The following PEBP4 variants were observed in gnomAD, a reference collection of about 807,000 sequenced individuals.
PEBP4 encodes phosphatidylethanolamine binding protein 4.
A neutral mutation model predicts 23.9 loss-of-function variants in PEBP4; 22 were observed. The ratio of observed to expected loss-of-function variants is 0.92; its 90% CI spans 0.66 to 1.31. The LOEUF is 1.31. Among genes scored for constraint, PEBP4 ranks in the 40% most tolerant of loss-of-function variants. PEBP4 has a pLI of 0.00. For synonymous variants in PEBP4, 112 were observed against 99.3 expected, an observed-to-expected ratio of 1.13 and a Z score of -0.76; for missense variants, 324 against 281.7, an observed-to-expected ratio of 1.15 and a Z score of -1.07.
At chr8:22,801,226 G>GGA (rs903502817) in intron 4 of PEBP4, among the ~76,000 whole-genome samples, 21 of 152,154 alleles carry the variant, frequency 1.4e-4, no homozygotes, top group Non-Finnish European at 2.9e-4. Flanking sequence ...GGAGGGCTGG[G>GGA]GAGAGACTTC....
rs141227592 is a variant in PEBP4, at chr8:22,910,484, G to T, written c.258+9700C>A. 1.8e-3 allele frequency among the ~76,000 whole-genome samples: 267 copies of T among 152,338 alleles called. 2 individuals are homozygous for T. The highest frequency in any genetic ancestry group is 0.016 in the Admixed American group (238 of 15,310). On this transcript the variant is annotated intron_variant, in intron 3 of 6. Transcript: ENST00000256404. ...GAAAATGAATGGTGAGAACCCTGAAGGTAATACCAGGGGCAGAGGTAGGCA... is the reference window on the plus strand; with the variant it reads ...GAAAATGAATGGTGAGAACCCTGAATGTAATACCAGGGGCAGAGGTAGGCA...
At chr8:22,845,500 G>A (rs186308505) in intron 3 of PEBP4, among the ~76,000 whole-genome samples, 41 of 152,308 alleles carry the variant, frequency 2.7e-4, no homozygotes, top group African/African-American at 8.9e-4. Flanking sequence ...TCTAGCCTGG[G>A]CAGCAGAGAG....
At chr8:22,868,291 G>T in intron 3 of PEBP4, among the ~76,000 whole-genome samples, 1 of 152,100 alleles carries the variant, frequency 6.6e-6, no homozygotes, top group South Asian at 2.1e-4. Flanking sequence ...ATTTGTCTTT[G>T]TGATTGTCTC....
chr8:22,809,525 G>C (rs1378967610), intron 4 of PEBP4, among the ~76,000 whole-genome samples: 2 of 152,154 alleles, frequency 1.3e-5, no homozygotes, highest in Non-Finnish European at 2.9e-5. Flanking sequence ...ATGGCCTCAT[G>C]AGTAGGCACG....
At chr8:22,761,831 T>C (rs1805514058) in intron 4 of PEBP4, among the ~76,000 whole-genome samples, 1 of 152,206 alleles carries the variant, frequency 6.6e-6, no homozygotes, top group Non-Finnish European at 1.5e-5. Context: ...CTCTTTTTTT[T>C]TACAGTAAAA....
intron 3 of PEBP4, among the ~76,000 whole-genome samples, chr8:22,897,081 T>C (rs1258093607): frequency 6.6e-6 from 1 of 152,006 alleles, no homozygotes; most frequent in Non-Finnish European, 1.5e-5. Flanking sequence ...TACTACGGCT[T>C]AGCGTAGACA....
At chr8:22,926,129 C>A (rs1314026515) in intron 2 of PEBP4, among the ~76,000 whole-genome samples, 1 of 151,242 alleles carries the variant, frequency 6.6e-6, no homozygotes, top group Admixed American at 6.6e-5. Context: ...GTGTGCGCCA[C>A]CATGCCCGGC....
At chr8:22,797,934 A>G (rs1353194669) in intron 4 of PEBP4, among the ~76,000 whole-genome samples, 1 of 152,150 alleles carries the variant, frequency 6.6e-6, no homozygotes, top group Non-Finnish European at 1.5e-5. Context: ...GCACGGGTGC[A>G]GGAGGGAGGC....
chr8:22,760,485 T>A (rs868591803), intron 4 of PEBP4, among the ~76,000 whole-genome samples: 2 of 151,934 alleles, frequency 1.3e-5, no homozygotes, highest in Non-Finnish European at 2.9e-5. Flanking sequence ...TGGATGCTTA[T>A]GGGATGAACA....
intron 4 of PEBP4, among the ~76,000 whole-genome samples, chr8:22,765,116 T>TCTTCCTTCCTTC (rs113133723): frequency 0.16 from 22,558 of 144,814 alleles, 2,004 homozygotes; most frequent in East Asian, 0.31. Flanking sequence ...TTCCTTTATT[T>TCTTCCTTCCTTC]CTTCCTTCCT....
intron 3 of PEBP4, among the ~76,000 whole-genome samples, chr8:22,897,267 A>G (rs1808606483): frequency 6.6e-6 from 1 of 152,204 alleles, no homozygotes; most frequent in Non-Finnish European, 1.5e-5. Flanking sequence ...GACAGATCAC[A>G]TTGTAAGCTG....
chr8:22,907,099 A>G (rs898522337), intron 3 of PEBP4, among the ~76,000 whole-genome samples: 4 of 152,128 alleles, frequency 2.6e-5, no homozygotes, highest in African/African-American at 9.7e-5. Context: ...TATGAGTGGG[A>G]GGAGGGATGC....
chr8:22,930,994 A>G (rs1809447165), upstream of PEBP4, among the ~76,000 whole-genome samples: 1 of 152,072 alleles, frequency 6.6e-6, no homozygotes, highest in African/African-American at 2.4e-5. Context: ...TGGTCCCTCC[A>G]GCTACTGGGA....
At chr8:22,756,572 A>T (rs1331493231) in intron 4 of PEBP4, among the ~76,000 whole-genome samples, 1 of 152,020 alleles carries the variant, frequency 6.6e-6, no homozygotes, top group African/African-American at 2.4e-5. Flanking sequence ...ATGCTTGGGG[A>T]AGCAAGCCTT....
chr8:22,780,153 T>C (rs1043554681), intron 4 of PEBP4, among the ~76,000 whole-genome samples: 8 of 152,050 alleles, frequency 5.3e-5, no homozygotes, highest in African/African-American at 1.7e-4. Context: ...TTTGTAGAGA[T>C]AGTGTTCACC....
intron 6 of PEBP4, among the ~76,000 whole-genome samples, chr8:22,722,740 C>A (rs1163314360): frequency 6.6e-6 from 1 of 151,494 alleles, no homozygotes; most frequent in Non-Finnish European, 1.5e-5. Flanking sequence ...AAGACTGGGA[C>A]CTTGGCTGGG....
chr8:22,779,070 G>A (rs552311535), intron 4 of PEBP4, among the ~76,000 whole-genome samples: 2 of 151,070 alleles, frequency 1.3e-5, no homozygotes, highest in South Asian at 4.2e-4. Flanking sequence ...GAAGGTGGGC[G>A]GGGGAGGTGG....
At chr8:22,819,451 CTGAGCT>C (rs1806812337) in intron 3 of PEBP4, among the ~76,000 whole-genome samples, 2 of 152,194 alleles carry the variant, frequency 1.3e-5, no homozygotes. Flanking sequence ...CTGGAATAGG[CTGAGCT>C]GAGATGGGAG....
chr8:22,909,879 G>T (rs1808899987), intron 3 of PEBP4, among the ~76,000 whole-genome samples: 1 of 152,212 alleles, frequency 6.6e-6, no homozygotes, highest in Non-Finnish European at 1.5e-5. Context: ...GCCACGTGGA[G>T]AATGGCCAGC....
Sources: allele counts gnomAD v4.1 joint callset (sites outside exome capture counted in the v4.1 genomes callset), GRCh38; gene constraint gnomAD v4.1.1; transcripts MANE v1.5; gene names NCBI Gene and HGNC (gene_info 2026-07-23, HGNC 2026-07-21).